The following DOCK11 variants were observed in gnomAD, a reference collection of about 807,000 sequenced individuals.
DOCK11 encodes the protein dedicator of cytokinesis protein 11.
Under a neutral mutation model 169.1 loss-of-function variants are expected in DOCK11, and 70 were observed. The ratio of observed to expected loss-of-function variants is 0.41; its 90% CI spans 0.34 to 0.51. The LOEUF (loss-of-function observed/expected upper bound fraction) is 0.51. Ranked by LOEUF, DOCK11 falls within the 20% of genes least tolerant of loss-of-function variation. The pLI is 0.10. For missense variants in DOCK11, 1,166 were observed against 1,538.8 expected (o/e 0.76, Z 4.05); for synonymous variants, 529 against 541.3 (o/e 0.98, Z 0.32).
chrX:118,669,133 G>A (rs1364738007), intron 45 of DOCK11, among the ~76,000 whole-genome samples: 1 of 111,495 alleles, frequency 9.0e-6, no homozygotes, highest in Non-Finnish European at 1.9e-5. Context: ...GCAGATGTGT[G>A]GAAGATGTAT....
intron 23 of DOCK11, among the ~76,000 whole-genome samples, chrX:118,601,271 A>G (rs1406868432): frequency 9.1e-6 from 1 of 109,667 alleles, no homozygotes; most frequent in East Asian, 2.9e-4. Context: ...AAAAAATACA[A>G]AAATTAGCCG....
chrX:118,636,434 T>C, intron 36 of DOCK11, 22 bp downstream of exon 36: 1 of 864,158 alleles, frequency 1.2e-6, no homozygotes, highest in Non-Finnish European at 1.6e-6. Flanking sequence ...TAATTTATCT[T>C]CATATACTTT....
At chrX:118,542,520 T>TTATGTGTGTG (rs149027952) in intron 1 of DOCK11, among the ~76,000 whole-genome samples, 7 of 103,950 alleles carry the variant, frequency 6.7e-5, no homozygotes, top group African/African-American at 1.7e-4. Context: ...GTGTGTGTGT[T>TTATGTGTGTG]TGTGTGTGTG....
At chrX:118,637,469 A>G (rs2147507776) in intron 36 of DOCK11, among the ~76,000 whole-genome samples, 1 of 112,078 alleles carries the variant, frequency 8.9e-6, no homozygotes, top group African/African-American at 3.2e-5. Context: ...ATTATTGACT[A>G]TGCTGGCGGG....
intron 12 of DOCK11, among the ~76,000 whole-genome samples, chrX:118,577,039 C>G (rs933826881): frequency 1.8e-5 from 2 of 112,669 alleles, no homozygotes; most frequent in Non-Finnish European, 1.9e-5. Flanking sequence ...GAACTGCAAT[C>G]TTCTTCACCC....
At chrX:118,657,936 C>T (rs1224745443) in intron 44 of DOCK11, among the ~76,000 whole-genome samples, 1 of 110,888 alleles carries the variant, frequency 9.0e-6, no homozygotes, top group Non-Finnish European at 1.9e-5. Flanking sequence ...ATCCATGTAA[C>T]AAAAAATCAC....
chrX:118,588,127 C>T lies in DOCK11; in HGVS notation c.1796-10C>T. The stretch of plus-strand genomic sequence containing the variant: ...TGAATGATCTTTGCCTGTTTTTTTC[C>T]CTGCTATAGATTGTATTACTTCTTC... On this transcript the variant is annotated splice_polypyrimidine_tract_variant and intron_variant, in intron 16 of 52. Transcript: ENST00000276202. 1.8e-6 allele frequency: 2 copies of T among 1,131,303 alleles called. No homozygotes were observed. Among genetic ancestry groups the T allele is most frequent in the Non-Finnish European group, 1.2e-6 (1 of 858,081 alleles). 93.2% of individuals were successfully genotyped at this position (1,131,303 alleles called of 1,213,427 possible).
In DOCK11 at chrX:118,680,611, G is replaced by T. The variant is rs1462156239; in HGVS notation, c.5590G>T (p.Val1864Phe). The T allele has an allele frequency of 8.3e-7, 1 of 1,210,836 alleles. No individual in the cohort carries two copies. Among genetic ancestry groups the T allele is most frequent in the East Asian group, 3.0e-5 (1 of 33,788 alleles). Residue 1864 changes from valine (V) to phenylalanine (F), a missense_variant, in exon 49 of 53, where the codon GTT becomes TTT. Transcript: ENST00000276202. ...FERNHNISRF[V>F]FEAPYTLSGK... ...AAGAAATCATAATATCAGCAGATTT[G>T]TTTTTGAGGCCCCTTACACTTTATC...
intron 46 of DOCK11, among the ~76,000 whole-genome samples, chrX:118,674,263 A>G (rs934087164): frequency 9.1e-6 from 1 of 110,322 alleles, no homozygotes; most frequent in Non-Finnish European, 1.9e-5. Context: ...CAATCCTCAC[A>G]CCTCAGCCTC....
At chrX:118,635,338 A>G (rs1050529269) in intron 35 of DOCK11, among the ~76,000 whole-genome samples, 6 of 112,008 alleles carry the variant, frequency 5.4e-5, no homozygotes, top group Non-Finnish European at 1.1e-4. Flanking sequence ...CCATCAAAGT[A>G]GGATAAAAAA....
chrX:118,657,569 G>A (rs1368507144), intron 44 of DOCK11, among the ~76,000 whole-genome samples: 1 of 111,925 alleles, frequency 8.9e-6, no homozygotes, highest in Non-Finnish European at 1.9e-5. Flanking sequence ...AATAGTGGTA[G>A]TAGTAAAAGT....
At chrX:118,678,317 G>C (rs749191161) in intron 48 of DOCK11, among the ~76,000 whole-genome samples, 6 of 111,014 alleles carry the variant, frequency 5.4e-5, no homozygotes, top group Admixed American at 9.6e-5. Context: ...AATTTATATA[G>C]CAAAAACCTG....
chrX:118,579,944 T>G (rs5957029), intron 13 of DOCK11, among the ~76,000 whole-genome samples, 153 bp from the exon 14 acceptor site: 3,098 of 111,601 alleles, frequency 0.028, 118 homozygotes, highest in African/African-American at 0.096. Flanking sequence ...GAAAAATGGC[T>G]GGCTGATGCA....
chrX:118,506,272 C>A (rs990544416), intron 1 of DOCK11, among the ~76,000 whole-genome samples: 4 of 108,472 alleles, frequency 3.7e-5, no homozygotes, highest in South Asian at 3.9e-4. Context: ...AAAAAAACAA[C>A]AAAAAACCAA....
At chrX:118,616,924 T>C (rs995657524) in intron 30 of DOCK11, among the ~76,000 whole-genome samples, 3 of 111,725 alleles carry the variant, frequency 2.7e-5, no homozygotes, top group Non-Finnish European at 5.6e-5. Flanking sequence ...TACCCCCTTA[T>C]TCGATTCTGA....
intron 10 of DOCK11, among the ~76,000 whole-genome samples, chrX:118,571,201 A>G (rs1443498344): frequency 1.8e-5 from 2 of 110,793 alleles, no homozygotes; most frequent in Non-Finnish European, 3.8e-5. Flanking sequence ...CCAACTACCT[A>G]CTACCGTCAC....
In DOCK11 at chrX:118,576,091, G is replaced by A. The variant is rs183447425; in HGVS notation, c.1389+2073G>A. On this transcript the variant is annotated intron_variant, in intron 12 of 52. Coordinates refer to ENST00000276202, the MANE Select transcript of DOCK11 (RefSeq NM_144658.4). ...CATTACACAGCTAGTAGTGGTGACG[G>A]TAGGATTTGAATTTAGGTCTGTTTG... Among the ~76,000 whole-genome samples, 259 of 112,223 alleles carry A rather than the reference G, an allele frequency of 2.3e-3. 1 individual carries two copies. Among genetic ancestry groups the A allele is most frequent in the African/African-American group, 8.2e-3 (252 of 30,910 alleles).
At chrX:118,673,942 G>A (rs925811196) in intron 46 of DOCK11, among the ~76,000 whole-genome samples, 1 of 111,590 alleles carries the variant, frequency 9.0e-6, no homozygotes, top group African/African-American at 3.3e-5. Context: ...TCCCAAATCT[G>A]AAACTGTTTG....
chrX:118,530,109 T>C (rs1003018471), intron 1 of DOCK11, among the ~76,000 whole-genome samples: 2 of 112,769 alleles, frequency 1.8e-5, no homozygotes, highest in Non-Finnish European at 3.7e-5. Context: ...AAGTACAGAT[T>C]GGCAGCTGAT....
Sources: allele counts gnomAD v4.1 joint callset (sites outside exome capture counted in the v4.1 genomes callset), GRCh38; gene constraint gnomAD v4.1.1; transcripts MANE v1.5; gene names NCBI Gene and HGNC (gene_info 2026-07-23, HGNC 2026-07-21).